TPGS2: variants seen among roughly 807,000 people sequenced by gnomAD.
The protein encoded by TPGS2 is polyglutamylase subunit 2.
Under a neutral mutation model 31.1 loss-of-function variants are expected in TPGS2, and 26 were observed. That is an observed-to-expected ratio of 0.84 (90% CI 0.61 to 1.16). The LOEUF (loss-of-function observed/expected upper bound fraction) is 1.16, where lower values mean the gene tolerates loss of function less well. TPGS2 is among the 50% of genes most tolerant of loss of function. TPGS2 has a pLI of 0.00. For synonymous variants in TPGS2, 130 were observed against 136.6 expected (o/e 0.95, Z 0.34); for missense variants, 351 against 363.8 (o/e 0.96, Z 0.29).
chr18:36,807,217 C>T (rs1327015198), intron 3 of TPGS2, among the ~76,000 whole-genome samples: 1 of 152,140 alleles, frequency 6.6e-6, no homozygotes, highest in Non-Finnish European at 1.5e-5. Context: ...GAGTCTTCAC[C>T]TAAATGTTCA....
chr18:36,813,486 A>C (rs2045518700), intron 2 of TPGS2, among the ~76,000 whole-genome samples: 1 of 152,212 alleles, frequency 6.6e-6, no homozygotes, highest in Non-Finnish European at 1.5e-5. Context: ...AACTATGGCC[A>C]CTGGATCCAC....
rs1198468500 is a variant in TPGS2, at chr18:36,796,730, G to A, written c.*75C>T. On this transcript the variant is annotated 3_prime_UTR_variant, in exon 7 of 7. Coordinates refer to ENST00000334295, the MANE Select transcript of TPGS2 (RefSeq NM_015476.4). Reference sequence around the variant, plus strand: ...AGGCCTACGGTCCACACGCAAAACTGGAGGTCACCCCTAGGGCCATCTGTG... The same window carrying A: ...AGGCCTACGGTCCACACGCAAAACTAGAGGTCACCCCTAGGGCCATCTGTG... The A allele has an allele frequency of 6.6e-7, 1 of 1,522,768 alleles. No individual in the cohort carries two copies. 94.3% of individuals were successfully genotyped at this position (1,522,768 alleles called of 1,614,324 possible).
Position 36,796,914 on chromosome 18 carries a change from CCTTT to C in TPGS2, c.790_793del (p.Lys264GlyfsTer58), listed in dbSNP as rs1279529004. On this transcript the variant is annotated frameshift_variant, in exon 7 of 7. Transcript: ENST00000334295. LOFTEE classifies it high-confidence loss of function. ...CTGGCCACCTGCAGGCTGCACAGGC[CCTTT>C]CTTTTTTGGGATTACGATCTTGTTC... The C allele has an allele frequency of 6.2e-7, 1 of 1,610,002 alleles. No individual in the cohort carries two copies. Among genetic ancestry groups the C allele is most frequent in the East Asian group, 2.2e-5 (1 of 44,802 alleles).
chr18:36,805,525 G>T, intron 3 of TPGS2, 23 bp from the exon 4 acceptor site: 1 of 1,613,490 alleles, frequency 6.2e-7, no homozygotes, highest in Non-Finnish European at 8.5e-7. Context: ...GCGTTAAGGA[G>T]AATTACATGG....
intron 6 of TPGS2, among the ~76,000 whole-genome samples, chr18:36,784,615 A>G (rs1216942817): frequency 1.3e-5 from 2 of 152,200 alleles, no homozygotes; most frequent in Non-Finnish European, 2.9e-5. Flanking sequence ...TGGACTTTCT[A>G]AGTGATTTCT....
At chr18:36,826,856 T>A (rs1442928793) in intron 1 of TPGS2, among the ~76,000 whole-genome samples, 1 of 152,166 alleles carries the variant, frequency 6.6e-6, no homozygotes, top group Non-Finnish European at 1.5e-5. Flanking sequence ...AGATGTGGGT[T>A]TTTCATAGAT....
intron 4 of TPGS2, among the ~76,000 whole-genome samples, chr18:36,802,935 CTTGA>C (rs2044905582): frequency 6.6e-6 from 1 of 151,810 alleles, no homozygotes; most frequent in African/African-American, 2.4e-5. Flanking sequence ...CCTCTTTTTT[CTTGA>C]TTAAAATTTT....
intron 1 of TPGS2, among the ~76,000 whole-genome samples, chr18:36,827,025 AATTG>A (rs1233654411): frequency 6.0e-5 from 9 of 150,204 alleles, no homozygotes; most frequent in Non-Finnish European, 1.0e-4. Flanking sequence ...GTATTATATT[AATTG>A]ATTTTTTTTA....
At chr18:36,782,595 G>A (rs1045364916), downstream of TPGS2, among the ~76,000 whole-genome samples, 2 of 152,084 alleles carry the variant, frequency 1.3e-5, no homozygotes, top group African/African-American at 4.8e-5. Context: ...TTTTTGGTGG[G>A]GAGATGGAGT....
intron 2 of TPGS2, among the ~76,000 whole-genome samples, chr18:36,817,120 A>G (rs1568026235): frequency 6.6e-6 from 1 of 152,202 alleles, no homozygotes; most frequent in African/African-American, 2.4e-5. Context: ...TTCTTTTCCT[A>G]TGATGGGCTA....
intron 4 of TPGS2, among the ~76,000 whole-genome samples, chr18:36,804,535 C>G (rs1438956945): frequency 6.6e-6 from 1 of 152,210 alleles, no homozygotes; most frequent in African/African-American, 2.4e-5. Flanking sequence ...TGCCCCCGAA[C>G]TTCTCTGGTA....
chr18:36,796,514 A>C lies in TPGS2; in HGVS notation c.*291T>G. On this transcript the variant is annotated 3_prime_UTR_variant, in exon 7 of 7. Coordinates refer to ENST00000334295, the MANE Select transcript of TPGS2 (RefSeq NM_015476.4). ...GGGACCTCTCTAATCAATCAGTGCT[A>C]AGGGATTGAGGGTTGAGTGTTGAAG... 1 of 1,202,936 alleles carries C rather than the reference A, an allele frequency of 8.3e-7. No homozygotes were observed. Among genetic ancestry groups the C allele is most frequent in the Non-Finnish European group, 1.0e-6 (1 of 969,576 alleles). The allele number at this position is 1,202,936 out of a possible 1,614,324, so 74.5% of individuals were successfully genotyped here.
At chr18:36,818,066 C>G (rs2045733876) in intron 2 of TPGS2, among the ~76,000 whole-genome samples, 1 of 152,192 alleles carries the variant, frequency 6.6e-6, no homozygotes, top group Admixed American at 6.5e-5. Flanking sequence ...TGAGCTCTCT[C>G]TACCTTGCTC....
intron 1 of TPGS2, among the ~76,000 whole-genome samples, chr18:36,822,024 C>A (rs1177609024): frequency 6.6e-6 from 1 of 152,178 alleles, no homozygotes; most frequent in East Asian, 1.9e-4. Flanking sequence ...ACCAGGTCTT[C>A]TCGCATAGTT....
chr18:36,807,889 T>A lies in TPGS2; in HGVS notation c.211A>T (p.Met71Leu), dbSNP rs551523591. The change falls in exon 3 of 7, where the codon ATG (methionine) becomes TTG (leucine). Residue 71 changes from methionine to leucine, a missense_variant. Coordinates refer to ENST00000334295, the MANE Select transcript of TPGS2 (RefSeq NM_015476.4). The part of the protein sequence containing the change: ...MPEDVKNFYL[M>L]TNGFHMTWSV... ...CATGTCATGTGGAAGCCATTGGTCA[T>A]CAGGTAAAAGTTCTTCACATCTTCA... 6.2e-5 allele frequency: 100 copies of A among 1,614,150 alleles called. 1 individual carries two copies. In the South Asian group the frequency reaches 1.1e-3, roughly 17 times the overall value.
chr18:36,797,022 G>T lies in TPGS2; in HGVS notation c.686C>A (p.Thr229Asn), dbSNP rs746727820. Residue 229 changes from threonine (T) to asparagine (N), a missense_variant, in exon 7 of 7, where the codon ACC (threonine) becomes AAC (asparagine). Coordinates refer to ENST00000334295, the MANE Select transcript of TPGS2 (RefSeq NM_015476.4). ...KQWFSMYKPITYNTNLLTEET... is the reference protein window; with the variant it reads ...KQWFSMYKPINYNTNLLTEET... Reference sequence around the variant, plus strand: ...TTCTGTGAGCAGGTTTGTGTTGTAGGTGATAGGTTTATACATGCTGAACCA... The same window carrying T: ...TTCTGTGAGCAGGTTTGTGTTGTAGTTGATAGGTTTATACATGCTGAACCA... The T allele has an allele frequency of 6.3e-7, 1 of 1,597,970 alleles. No homozygotes were observed. Among genetic ancestry groups the T allele is most frequent in the South Asian group, 1.2e-5 (1 of 86,460 alleles).
At chr18:36,788,399 T>G (rs1048959168) in intron 6 of TPGS2, among the ~76,000 whole-genome samples, 3 of 152,154 alleles carry the variant, frequency 2.0e-5, no homozygotes, top group African/African-American at 7.2e-5. Flanking sequence ...ACCATCCATA[T>G]CACCGTCTCT....
chr18:36,828,741 C>T lies in TPGS2; in HGVS notation c.27G>A (p.Gly9=). 1.2e-6 allele frequency: 2 copies of T among 1,613,998 alleles called. No individual in the cohort carries two copies. Among genetic ancestry groups the T allele is most frequent in the Non-Finnish European group, 1.7e-6 (2 of 1,179,982 alleles). The change falls in exon 1 of 7, where the codon GGG becomes GGA. Residue 9 remains glycine, a synonymous_variant. Coordinates refer to ENST00000334295, the MANE Select transcript of TPGS2 (RefSeq NM_015476.4). ...CCAGGTGCGGCTTGCTGCAGCCCAGCCCCGGGGACGATGCCTCCTCCTCCA... is the reference window on the plus strand; with the variant it reads ...CCAGGTGCGGCTTGCTGCAGCCCAGTCCCGGGGACGATGCCTCCTCCTCCA... MEEEASSP[G]LGCSKPHLEK...
intron 1 of TPGS2, among the ~76,000 whole-genome samples, chr18:36,827,221 T>TG (rs746935294): frequency 2.6e-5 from 4 of 152,168 alleles, no homozygotes; most frequent in Non-Finnish European, 5.9e-5. Flanking sequence ...CACTTGGTCT[T>TG]GGACTTCTAT....
Sources: allele counts gnomAD v4.1 joint callset (sites outside exome capture counted in the v4.1 genomes callset), GRCh38; gene constraint gnomAD v4.1.1; transcripts MANE v1.5; gene names NCBI Gene and HGNC (gene_info 2026-07-23, HGNC 2026-07-21).